Variants in ZNF100 observed in about 807,000 individuals in gnomAD.
ZNF100 encodes zinc finger protein 100, also known as zinc finger protein 100 (Y1).
Under a neutral mutation model 15.8 loss-of-function variants are expected in ZNF100, and 12 were observed. The observed-to-expected ratio is 0.76, with a 90% CI of 0.49 to 1.23. The LOEUF (loss-of-function observed/expected upper bound fraction) is 1.23, where lower values mean the gene tolerates loss of function less well. ZNF100 is among the 50% of genes most tolerant of loss of function. The pLI is 0.00. For missense variants in ZNF100, 670 were observed against 635.6 expected, an observed-to-expected ratio of 1.05 and a Z score of -0.58; for synonymous variants, 226 against 214.8, an observed-to-expected ratio of 1.05 and a Z score of -0.45.
chr19:21,740,222 A>G (rs1201666720), intron 4 of ZNF100, among the ~76,000 whole-genome samples: 8 of 152,228 alleles, frequency 5.3e-5, no homozygotes, highest in Admixed American at 3.9e-4. Context: ...AACACACCAT[A>G]GAGAAAAGAT....
At position 21,727,775 on chromosome 19, in the gene ZNF100, A is replaced by G. The variant is rs754752588; in HGVS notation, c.537T>C (p.Cys179=). 1 of 1,613,890 alleles carries G rather than the reference A, an allele frequency of 6.2e-7. No individual in the cohort carries two copies. The highest frequency in any genetic ancestry group is 1.7e-5 in the Admixed American group (1 of 60,020). Reference sequence around the variant, plus strand: ...TATGAAAGACTTTTGCAGATGGATCACATTGAAATATGTTGCTCTGGGTAG... The same window carrying G: ...TATGAAAGACTTTTGCAGATGGATCGCATTGAAATATGTTGCTCTGGGTAG... ...LITTQSNIFQ[C]DPSAKVFHTF... The change falls in exon 5 of 5, where the codon TGT becomes TGC. Residue 179 remains cysteine (C), a synonymous_variant. Transcript: ENST00000358296.
chr19:21,755,480 T>C (rs1316394145), intron 2 of ZNF100, among the ~76,000 whole-genome samples: 3 of 152,040 alleles, frequency 2.0e-5, no homozygotes, highest in Non-Finnish European at 4.4e-5. Flanking sequence ...TTTACACTCT[T>C]GGTGGGAAGG....
At chr19:21,751,778 CT>C in intron 2 of ZNF100, 1 of 1,259,624 alleles carries the variant, frequency 7.9e-7, no homozygotes, top group Non-Finnish European at 1.1e-6. Context: ...ATTTGCTCCT[CT>C]TAGCAAAGAA....
rs762516981 is a variant in ZNF100, at chr19:21,727,076, C to T, written c.1236G>A (p.Trp412Ter). 6.2e-6 allele frequency: 10 copies of T among 1,613,244 alleles called. No individual in the cohort carries two copies. Among genetic ancestry groups the T allele is most frequent in the Non-Finnish European group, 8.5e-6 (10 of 1,179,804 alleles). The stretch of plus-strand genomic sequence containing the variant: ...TCTTATGTTTAGTGAGGGCTGAGGA[C>T]CAGTTAAAGCCTTTGCCGCATTCTT... ...KCEECGKGFN[W>*]SSALTKHKRI... The change falls in exon 5 of 5, where the codon TGG becomes TGA. Residue 412 changes from tryptophan (W) to a stop codon, truncating the protein, a stop_gained. Transcript: ENST00000358296. LOFTEE classifies it low-confidence loss of function (END_TRUNC).
intron 4 of ZNF100, among the ~76,000 whole-genome samples, chr19:21,731,302 C>CTTTTTTT (rs1052854047): frequency 6.4e-5 from 9 of 139,620 alleles, no homozygotes; most frequent in African/African-American, 8.6e-5. Flanking sequence ...TTTTTCTTTC[C>CTTTTTTT]TTTTTTTTTT....
chr19:21,724,423 G>A lies in ZNF100; in HGVS notation c.*2260C>T, dbSNP rs2035737311. On this transcript the variant is annotated 3_prime_UTR_variant, in exon 5 of 5. Transcript: ENST00000358296. ...TCTGCATGTGTTTGCAGGCAGACAG[G>A]AAACATGCTCAAAAAATAAATATTA... is the stretch of plus-strand genomic sequence containing the variant. The A allele has an allele frequency of 6.6e-6, 1 of 152,040 alleles. No homozygotes were observed. Among genetic ancestry groups the A allele is most frequent in the African/African-American group, 2.4e-5 (1 of 41,382 alleles). 9.4% of individuals were successfully genotyped at this position (152,040 alleles called of 1,614,324 possible).
At chr19:21,758,176 A>G (rs1438236314) in intron 2 of ZNF100, among the ~76,000 whole-genome samples, 1 of 152,174 alleles carries the variant, frequency 6.6e-6, no homozygotes, top group Non-Finnish European at 1.5e-5. Flanking sequence ...TAGCCTTAGA[A>G]AACTCATGCA....
At chr19:21,766,565 C>T (rs2036565856) in intron 1 of ZNF100, among the ~76,000 whole-genome samples, 1 of 152,000 alleles carries the variant, frequency 6.6e-6, no homozygotes, top group African/African-American at 2.4e-5. Flanking sequence ...CAAGAAACTA[C>T]GTTACTGTAA....
chr19:21,753,589 G>A (rs1199958932), intron 2 of ZNF100: 1 of 152,044 alleles, frequency 6.6e-6, no homozygotes, highest in Non-Finnish European at 1.5e-5. Flanking sequence ...TCAAAAGAAG[G>A]AAAAGAAAAA....
At chr19:21,749,883 C>T (rs2036273561) in intron 2 of ZNF100, among the ~76,000 whole-genome samples, 1 of 152,104 alleles carries the variant, frequency 6.6e-6, no homozygotes, top group Admixed American at 6.6e-5. Flanking sequence ...GTCTTCTGGC[C>T]CTGTCTTGTA....
chr19:21,746,609 T>TA (rs1356159987), intron 2 of ZNF100, among the ~76,000 whole-genome samples: 1 of 152,176 alleles, frequency 6.6e-6, no homozygotes, highest in East Asian at 1.9e-4. Context: ...GCATGGCATA[T>TA]AAGAAGCCAT....
In ZNF100 at chr19:21,726,610, G is replaced by A; in HGVS notation, c.*73C>T. ...CTTTGCCATATTCTTCACAGTCACA[G>A]GAGTTCCCTCCAGTATGAATTTTTT... On this transcript the variant is annotated 3_prime_UTR_variant, in exon 5 of 5. Coordinates refer to ENST00000358296, the MANE Select transcript of ZNF100 (RefSeq NM_173531.4). 1 of 1,338,512 alleles carries A rather than the reference G, an allele frequency of 7.5e-7. No homozygotes were observed. Among genetic ancestry groups the A allele is most frequent in the Non-Finnish European group, 1.0e-6 (1 of 971,612 alleles). 82.9% of individuals were successfully genotyped at this position (1,338,512 alleles called of 1,614,324 possible). A position where few individuals can be genotyped will look rare whatever the true frequency, so the allele number is the denominator to read the frequency against.
chr19:21,742,158 G>A lies in ZNF100; in HGVS notation c.322+1859C>T, dbSNP rs1022120712. On this transcript the variant is annotated intron_variant, in intron 4 of 4. Transcript: ENST00000358296. Reference sequence around the variant, plus strand: ...TAACAATAGAAAAAATTACCCAGGCGTGGTGGCGGGCACCTACATTCCCAG... The same window carrying A: ...TAACAATAGAAAAAATTACCCAGGCATGGTGGCGGGCACCTACATTCCCAG... Among the ~76,000 whole-genome samples, 22 of 151,878 alleles carry A rather than the reference G, an allele frequency of 1.4e-4. 1 individual carries two copies. The highest frequency in any genetic ancestry group is 5.3e-4 in the African/African-American group (22 of 41,372).
At chr19:21,739,001 A>G (rs1039705241) in intron 4 of ZNF100, among the ~76,000 whole-genome samples, 1 of 152,198 alleles carries the variant, frequency 6.6e-6, no homozygotes, top group Non-Finnish European at 1.5e-5. Context: ...TGAATTAATG[A>G]AGTGTAAACT....
intron 2 of ZNF100, chr19:21,750,422 T>C (rs772005147): frequency 6.6e-6 from 1 of 152,216 alleles, no homozygotes; most frequent in Non-Finnish European, 1.5e-5. Context: ...CCAATATCCC[T>C]GAGGAGCACT....
In ZNF100 at chr19:21,722,884, G is replaced by T. The variant is rs183574807; in HGVS notation, c.*3799C>A. The T allele has an allele frequency of 3.2e-4, 48 of 151,018 alleles. No individual in the cohort carries two copies. The highest frequency in any genetic ancestry group is 1.2e-3 in the African/African-American group (48 of 41,208). 9.4% of individuals were successfully genotyped at this position (151,018 alleles called of 1,614,324 possible). A position where few individuals can be genotyped will look rare whatever the true frequency, so the allele number is the denominator to read the frequency against. ...AAAAATTTAATTTCTACATTTTCTT[G>T]CAAATTTTATGTTTGCCACACTTTA... On this transcript the variant is annotated 3_prime_UTR_variant, in exon 5 of 5. Transcript: ENST00000358296.
At chr19:21,742,801 A>G (rs2036141079) in intron 4 of ZNF100, among the ~76,000 whole-genome samples, 1 of 152,220 alleles carries the variant, frequency 6.6e-6, no homozygotes, top group African/African-American at 2.4e-5. Flanking sequence ...ATTAACATAC[A>G]AGTATAAACT....
Position 21,726,477 on chromosome 19 carries a change from G to T in ZNF100, c.*206C>A. On this transcript the variant is annotated 3_prime_UTR_variant, in exon 5 of 5. Coordinates refer to ENST00000358296, the MANE Select transcript of ZNF100 (RefSeq NM_173531.4). ...TTCTCAACACTATGATTTATGTTTT[G>T]AAAAGTTTGAGGTGTTTTCAAAGCA... 1.9e-6 allele frequency: 1 copy of T among 525,998 alleles called. No individual in the cohort carries two copies. The allele number at this position is 525,998 out of a possible 1,614,324, so 32.6% of individuals were successfully genotyped here. A position where few individuals can be genotyped will look rare whatever the true frequency, so the allele number is the denominator to read the frequency against.
At chr19:21,745,724 T>G (rs993543802) in intron 2 of ZNF100, among the ~76,000 whole-genome samples, 1 of 151,870 alleles carries the variant, frequency 6.6e-6, no homozygotes, top group Non-Finnish European at 1.5e-5. Context: ...GGGTTTCACC[T>G]TGTTAGCCAG....
Sources: gnomAD v4.1 joint callset for allele counts (sites outside exome capture counted in the v4.1 genomes callset) on GRCh38, gnomAD v4.1.1 for gene constraint, MANE v1.5 for transcripts, NCBI Gene and HGNC (gene_info 2026-07-23, HGNC 2026-07-21) for gene names.